The following FTO variants were observed in gnomAD, a reference collection of about 807,000 sequenced individuals.
The protein encoded by FTO is FTO alpha-ketoglutarate dependent dioxygenase.
A neutral mutation model predicts 63.9 loss-of-function variants in FTO; 47 were observed. The ratio of observed to expected loss-of-function variants is 0.74; its 90% CI spans 0.58 to 0.94. The LOEUF is 0.94. Ranked by LOEUF, FTO falls within the 40% of genes least tolerant of loss-of-function variation. The pLI is 0.00. For missense variants in FTO, 562 were observed against 618.1 expected, an observed-to-expected ratio of 0.91 and a Z score of 0.96; for synonymous variants, 207 against 224.4, an observed-to-expected ratio of 0.92 and a Z score of 0.69.
At chr16:53,897,138 G>A (rs536953055) in intron 7 of FTO, among the ~76,000 whole-genome samples, 1 of 152,114 alleles carries the variant, frequency 6.6e-6, no homozygotes, top group South Asian at 2.1e-4. Context: ...GTGATTATTT[G>A]TAGATGATAT....
At chr16:53,744,850 T>C (rs1187463463) in intron 1 of FTO, among the ~76,000 whole-genome samples, 3 of 148,496 alleles carry the variant, frequency 2.0e-5, no homozygotes, top group East Asian at 2.1e-4. Flanking sequence ...ATGAATCTCA[T>C]TGTAGAGCTC....
intron 7 of FTO, among the ~76,000 whole-genome samples, chr16:53,913,624 T>C (rs2081774951): frequency 6.6e-6 from 1 of 152,134 alleles, no homozygotes; most frequent in Admixed American, 6.6e-5. Context: ...CTTCCTTTCT[T>C]CCTGAGAAGT....
chr16:54,064,686 A>G (rs2085674737), intron 8 of FTO, among the ~76,000 whole-genome samples: 1 of 152,132 alleles, frequency 6.6e-6, no homozygotes, highest in Admixed American at 6.5e-5. Context: ...CTATTTTACA[A>G]CCCACAGCAT....
rs111283220 is a variant in FTO, at chr16:53,954,340, CT to C, written c.1364+20240del. ...GCCTTTCATTTAAAAGGAGGCAGAA[CT>C]TTTTTTTTCCCTAGACCTACCTCAG... On this transcript the variant is annotated intron_variant, in intron 8 of 8. Transcript: ENST00000471389. 2.1e-3 allele frequency among the ~76,000 whole-genome samples: 326 copies of C among 151,798 alleles called. 1 individual carries two copies. Among genetic ancestry groups the C allele is most frequent in the Middle Eastern group, 3.4e-3 (1 of 294 alleles).
intron 8 of FTO, among the ~76,000 whole-genome samples, chr16:54,059,575 G>C (rs2085520571): frequency 6.6e-6 from 1 of 152,164 alleles, no homozygotes; most frequent in Non-Finnish European, 1.5e-5. Context: ...GGCTGTAAAA[G>C]CTCGGTTGTA....
At chr16:54,095,459 T>C (rs2144572900) in intron 8 of FTO, among the ~76,000 whole-genome samples, 1 of 152,072 alleles carries the variant, frequency 6.6e-6, no homozygotes, top group Non-Finnish European at 1.5e-5. Context: ...TTTTCATTTC[T>C]CTGCTTGATT....
chr16:54,044,986 A>G, intron 8 of FTO, among the ~76,000 whole-genome samples: 1 of 107,364 alleles, frequency 9.3e-6, no homozygotes, highest in Non-Finnish European at 1.7e-5. Flanking sequence ...TATAGCACCA[A>G]ATGCCTACAG....
intron 3 of FTO, among the ~76,000 whole-genome samples, chr16:53,837,763 C>T (rs569996636): frequency 1.8e-4 from 28 of 152,258 alleles, no homozygotes; most frequent in Admixed American, 6.5e-4. Flanking sequence ...TTTGTTGCTA[C>T]GCTGGGAACG....
intron 8 of FTO, among the ~76,000 whole-genome samples, chr16:54,064,279 T>C (rs2085666083): frequency 6.6e-6 from 1 of 152,262 alleles, no homozygotes; most frequent in Non-Finnish European, 1.5e-5. Flanking sequence ...GATATTTCTT[T>C]CCAAAGCCCT....
intron 7 of FTO, among the ~76,000 whole-genome samples, chr16:53,913,258 C>T (rs1277092417): frequency 6.6e-6 from 1 of 152,212 alleles, no homozygotes; most frequent in Non-Finnish European, 1.5e-5. Context: ...TTTGGATCAT[C>T]TCCAGCAGCT....
At chr16:53,816,852 T>C (rs1349306778) in intron 2 of FTO, among the ~76,000 whole-genome samples, 1 of 152,226 alleles carries the variant, frequency 6.6e-6, no homozygotes, top group Admixed American at 6.5e-5. Context: ...GACATGAGCT[T>C]CTAGAGAGAA....
chr16:54,033,030 C>T (rs1181107631), intron 8 of FTO, among the ~76,000 whole-genome samples: 2 of 152,162 alleles, frequency 1.3e-5, no homozygotes, highest in African/African-American at 4.8e-5. Flanking sequence ...TATCAAGCCT[C>T]CTGTCCAGCC....
chr16:53,943,393 GTTTC>G, intron 8 of FTO, among the ~76,000 whole-genome samples: 1 of 152,212 alleles, frequency 6.6e-6, no homozygotes, highest in Non-Finnish European at 1.5e-5. Flanking sequence ...CATGAACTCT[GTTTC>G]TGGCAGGTTT....
chr16:54,095,214 A>C (rs1289294292), intron 8 of FTO, among the ~76,000 whole-genome samples: 2 of 152,024 alleles, frequency 1.3e-5, no homozygotes, highest in African/African-American at 4.8e-5. Flanking sequence ...TAATTTATTT[A>C]TTTTTTGTAG....
At chr16:54,021,416 G>A (rs1364406067) in intron 8 of FTO, among the ~76,000 whole-genome samples, 4 of 73,098 alleles carry the variant, frequency 5.5e-5, no homozygotes, top group African/African-American at 1.2e-4. Flanking sequence ...GCTATACATG[G>A]CCATGTAGGC....
chr16:53,742,105 G>A (rs1451310018), intron 1 of FTO, among the ~76,000 whole-genome samples: 1 of 152,096 alleles, frequency 6.6e-6, no homozygotes, highest in Non-Finnish European at 1.5e-5. Flanking sequence ...CATAACTTCT[G>A]CGGTATTCTG....
At chr16:53,907,170 T>C (rs2081559983) in intron 7 of FTO, among the ~76,000 whole-genome samples, 4 of 152,220 alleles carry the variant, frequency 2.6e-5, no homozygotes, top group South Asian at 2.1e-4. Flanking sequence ...TGTCCTGATA[T>C]ACCCATTGAA....
chr16:53,967,974 T>C (rs754769430), intron 8 of FTO, among the ~76,000 whole-genome samples: 116 of 152,358 alleles, frequency 7.6e-4, no homozygotes, highest in Non-Finnish European at 1.3e-3. Context: ...ACAAAATTTA[T>C]GAAATTATCA....
chr16:53,918,009 A>T (rs1461424559), intron 7 of FTO, among the ~76,000 whole-genome samples: 1 of 152,146 alleles, frequency 6.6e-6, no homozygotes, highest in Non-Finnish European at 1.5e-5. Flanking sequence ...TGACCTCAGG[A>T]ATCTTAAGAA....
Sources: allele counts gnomAD v4.1 joint callset (sites outside exome capture counted in the v4.1 genomes callset), GRCh38; gene constraint gnomAD v4.1.1; transcripts MANE v1.5; gene names NCBI Gene and HGNC (gene_info 2026-07-23, HGNC 2026-07-21).